The following MAPK8IP1 variants were observed in gnomAD, a reference collection of about 807,000 sequenced individuals.
MAPK8IP1 encodes mitogen-activated protein kinase 8 interacting protein 1, also known as C-Jun-amino-terminal kinase-interacting protein 1.
A neutral mutation model predicts 72.6 loss-of-function variants in MAPK8IP1; 17 were observed. That is an observed-to-expected ratio of 0.23 (90% CI 0.16 to 0.35). The LOEUF (loss-of-function observed/expected upper bound fraction) is 0.35. Among genes scored for constraint, MAPK8IP1 ranks in the 10% least tolerant of loss-of-function variants. The pLI is 1.00. For synonymous variants in MAPK8IP1, 401 were observed against 443.4 expected (o/e 0.90, Z 1.20); for missense variants, 789 against 1,009.7 (o/e 0.78, Z 2.96).
At chr11:45,895,002 T>G (rs983828941) in intron 1 of MAPK8IP1, among the ~76,000 whole-genome samples, 2 of 152,192 alleles carry the variant, frequency 1.3e-5, no homozygotes, top group Non-Finnish European at 2.9e-5. Flanking sequence ...AAGCATGGTT[T>G]GAGAGTCTGC....
intron 1 of MAPK8IP1, among the ~76,000 whole-genome samples, chr11:45,891,515 C>T (rs1479822838): frequency 6.6e-6 from 1 of 152,184 alleles, no homozygotes; most frequent in African/African-American, 2.4e-5. Flanking sequence ...GATGACCCTG[C>T]CCTCAGGAAA....
rs1590788899 is a variant in MAPK8IP1 at position 45,904,615 on chromosome 11, G to A, written c.1776+51G>A. On this transcript the variant is annotated intron_variant, in intron 8 of 11. Coordinates refer to ENST00000241014, the MANE Select transcript of MAPK8IP1 (RefSeq NM_005456.4). The surrounding 1 kb of genome is among the most constrained non-coding windows in gnomAD (Gnocchi z 6.4). ...CCCTTGGATGGGTCCCTGGGGCAGAGGGACGCAGGTGTCTAGAGGCAGTAA... is the reference window on the plus strand; with the variant it reads ...CCCTTGGATGGGTCCCTGGGGCAGAAGGACGCAGGTGTCTAGAGGCAGTAA... 1.6e-5 allele frequency: 26 copies of A among 1,598,838 alleles called. No homozygotes were observed. The East Asian group carries it at 5.4e-4, about 33-fold the overall frequency.
At chr11:45,888,467 G>T (rs1042579046) in intron 1 of MAPK8IP1, among the ~76,000 whole-genome samples, 1 of 152,200 alleles carries the variant, frequency 6.6e-6, no homozygotes, top group Non-Finnish European at 1.5e-5. Context: ...TAAGTGGCAG[G>T]CAGTCTGATG....
chr11:45,900,087 C>T lies in MAPK8IP1; in HGVS notation c.208-51C>T, dbSNP rs2086638207. ...CCGGGCGGGGGGCGGTGCAAGCGGC[C>T]TCGGCCCCGCCCCGGCCCCGCCCCC... is the stretch of plus-strand genomic sequence containing the variant. On this transcript the variant is annotated intron_variant, in intron 2 of 11. Transcript: ENST00000241014. This position sits in a 1 kb window ranked among gnomAD's most constrained non-coding sequence, Gnocchi z 6.5. The T allele has an allele frequency of 8.9e-7, 1 of 1,127,220 alleles. No individual in the cohort carries two copies. Among genetic ancestry groups the T allele is most frequent in the Admixed American group, 4.6e-5 (1 of 21,582 alleles). The allele number at this position is 1,127,220 out of a possible 1,614,324, so 69.8% of individuals were successfully genotyped here. A position where few individuals can be genotyped will look rare whatever the true frequency, so the allele number is the denominator to read the frequency against.
rs886176741 is a variant in MAPK8IP1 at position 45,902,268 on chromosome 11, G to A, written c.605-104G>A. The A allele has an allele frequency of 1.8e-6, 2 of 1,114,460 alleles. No individual in the cohort carries two copies. The highest frequency in any genetic ancestry group is 1.5e-5 in the African/African-American group (1 of 64,552). 69.0% of individuals were successfully genotyped at this position (1,114,460 alleles called of 1,614,324 possible). ...AGCCTGCGAAGGGCCTGTTGCCCAGGGAGGCTTTGTCTTGGTTTCTGTGTC... is the reference window on the plus strand; with the variant it reads ...AGCCTGCGAAGGGCCTGTTGCCCAGAGAGGCTTTGTCTTGGTTTCTGTGTC... On this transcript the variant is annotated intron_variant, in intron 4 of 11. Transcript: ENST00000241014. This position sits in a 1 kb window ranked among gnomAD's most constrained non-coding sequence, Gnocchi z 9.3.
Position 45,905,023 on chromosome 11 carries a change from A to G in MAPK8IP1, c.1946A>G (p.Tyr649Cys). 1 of 1,614,162 alleles carries G rather than the reference A, an allele frequency of 6.2e-7. No individual in the cohort carries two copies. Among genetic ancestry groups the G allele is most frequent in the South Asian group, 1.1e-5 (1 of 91,080 alleles). Residue 649 changes from tyrosine to cysteine, a missense_variant, in exon 10 of 12, where the codon TAT becomes TGT. By Grantham distance (194) the Tyr-to-Cys change is radical. Around this residue, in one of 4 missense-constraint regions of MAPK8IP1, gnomAD observed 188 missense variants for 293.3 expected, o/e 0.64. Transcript: ENST00000241014. The part of the protein sequence containing the change: ...FQLKNISFCG[Y>C]HPKNNKYFGF... Reference sequence around the variant, plus strand: ...TTAAAAAACATCTCTTTCTGCGGATATCATCCAAAGAACAACAAGTAAGTG... The same window carrying G: ...TTAAAAAACATCTCTTTCTGCGGATGTCATCCAAAGAACAACAAGTAAGTG...
intron 1 of MAPK8IP1, chr11:45,896,871 G>C (rs1358601437): frequency 1.3e-6 from 2 of 1,551,718 alleles, no homozygotes; most frequent in South Asian, 2.4e-5. Flanking sequence ...CGGCCGGGCA[G>C]GGCTCTCCAT....
At chr11:45,890,093 T>A (rs1436575187) in intron 1 of MAPK8IP1, among the ~76,000 whole-genome samples, 1 of 152,166 alleles carries the variant, frequency 6.6e-6, no homozygotes, top group Non-Finnish European at 1.5e-5. Flanking sequence ...CATAAAAATA[T>A]CACCCAAGGG....
At chr11:45,893,783 C>T (rs1248577077) in intron 1 of MAPK8IP1, among the ~76,000 whole-genome samples, 1 of 149,864 alleles carries the variant, frequency 6.7e-6, no homozygotes, top group African/African-American at 2.4e-5. Flanking sequence ...CCTTCTTCCC[C>T]TCCCTTCTCC....
chr11:45,903,838 C>G lies in MAPK8IP1; in HGVS notation c.1494-151C>G, dbSNP rs1425931932. The G allele has an allele frequency of 1.3e-6, 1 of 766,322 alleles. No individual in the cohort carries two copies. Among genetic ancestry groups the G allele is most frequent in the Non-Finnish European group, 2.3e-6 (1 of 436,468 alleles). The allele number at this position is 766,322 out of a possible 1,614,324, so 47.5% of individuals were successfully genotyped here. A position where few individuals can be genotyped will look rare whatever the true frequency, so the allele number is the denominator to read the frequency against. On this transcript the variant is annotated intron_variant, in intron 6 of 11. Coordinates refer to ENST00000241014, the MANE Select transcript of MAPK8IP1 (RefSeq NM_005456.4). This position sits in a 1 kb window ranked among gnomAD's most constrained non-coding sequence, Gnocchi z 6.4. ...AGATGCATGTCTGCTTGACCTTGCT[C>G]TCCCCTGGGGTTAGTACTGCAACAG...
rs1266411184 is a variant in MAPK8IP1, at chr11:45,896,491, G to GT, written c.102-1594_102-1593insT. 1.3e-4 allele frequency: 124 copies of GT among 962,992 alleles called. 1 individual carries two copies. Among genetic ancestry groups the GT allele is most frequent in the East Asian group, 1.7e-4 (2 of 11,658 alleles). The allele number at this position is 962,992 out of a possible 1,614,324, so 59.7% of individuals were successfully genotyped here. A position where few individuals can be genotyped will look rare whatever the true frequency, so the allele number is the denominator to read the frequency against. On this transcript the variant is annotated intron_variant, in intron 1 of 11. Transcript: ENST00000241014. Reference sequence around the variant, plus strand: ...TCTACTTACAAGCCTGGGCCAGGGAGGGGGGGCCACTCAGCCCCCGACAGG... The same window carrying GT: ...TCTACTTACAAGCCTGGGCCAGGGAGTGGGGGGCCACTCAGCCCCCGACAGG...
At position 45,892,553 on chromosome 11, in the gene MAPK8IP1, G is replaced by A. The variant is rs990464622; in HGVS notation, c.102-5532G>A. Among the ~76,000 whole-genome samples the A allele has an allele frequency of 2.0e-5, 3 of 152,314 alleles. No homozygotes were observed. In the East Asian group the frequency reaches 5.8e-4, roughly 29 times the overall value. ...CGGAACCACAGCCAGGAGGGACTCC[G>A]AGAGCCCATAGCAGGGCGGTTTGGC... is the stretch of plus-strand genomic sequence containing the variant. On this transcript the variant is annotated intron_variant, in intron 1 of 11. Transcript: ENST00000241014.
intron 1 of MAPK8IP1, among the ~76,000 whole-genome samples, chr11:45,886,427 C>G (rs566769894): frequency 8.5e-5 from 13 of 152,332 alleles, no homozygotes; most frequent in African/African-American, 2.6e-4. Flanking sequence ...CTGGCGTGGC[C>G]GGGCCCCTCT....
rs766326839 is a variant in MAPK8IP1 at position 45,902,858 on chromosome 11, G to T, written c.1091G>T (p.Arg364Leu). The change falls in exon 5 of 12, where the codon CGG becomes CTG. Residue 364 changes from arginine to leucine, a missense_variant. This residue lies in a region of MAPK8IP1 where 377 missense variants were observed against 411.7 expected (regional missense o/e 0.92). Coordinates refer to ENST00000241014, the MANE Select transcript of MAPK8IP1 (RefSeq NM_005456.4). This position sits in a 1 kb window ranked among gnomAD's most constrained non-coding sequence, Gnocchi z 9.3. ...CTGGGGGAGCCGCCGCCACCTCCAC[G>T]GGCCTCTCTGAGCTCGGACACCAGC... The part of the protein sequence containing the change: ...GSLGEPPPPP[R>L]ASLSSDTSAL... 6.3e-7 allele frequency: 1 copy of T among 1,591,378 alleles called. No individual in the cohort carries two copies. The highest frequency in any genetic ancestry group is 1.1e-5 in the South Asian group (1 of 88,586).
chr11:45,905,195 C>T lies in MAPK8IP1; in HGVS notation c.2009C>T (p.Ala670Val), dbSNP rs1307187297. 5.0e-6 allele frequency: 8 copies of T among 1,613,158 alleles called. No homozygotes were observed. The highest frequency in any genetic ancestry group is 1.3e-5 in the African/African-American group (1 of 74,924). Residue 670 changes from alanine (A) to valine (V), a missense_variant, in exon 11 of 12, where the codon GCC becomes GTC. By Grantham distance (64) the Ala-to-Val change is moderately conservative. Around this residue, in one of 4 missense-constraint regions of MAPK8IP1, gnomAD observed 188 missense variants for 293.3 expected, o/e 0.64. Transcript: ENST00000241014. The stretch of plus-strand genomic sequence containing the variant: ...AAGCACCCCGCCGACCACCGGTTTG[C>T]CTGCCACGTCTTTGTGTCTGAAGAC... The part of the protein sequence containing the change: ...ITKHPADHRF[A>V]CHVFVSEDST...
chr11:45,904,230 A>T lies in MAPK8IP1; in HGVS notation c.1666+69A>T. 1 of 1,524,672 alleles carries T rather than the reference A, an allele frequency of 6.6e-7. No individual in the cohort carries two copies. The highest frequency in any genetic ancestry group is 9.0e-7 in the Non-Finnish European group (1 of 1,112,792). The allele number at this position is 1,524,672 out of a possible 1,614,324, so 94.4% of individuals were successfully genotyped here. On this transcript the variant is annotated intron_variant, in intron 7 of 11. Coordinates refer to ENST00000241014, the MANE Select transcript of MAPK8IP1 (RefSeq NM_005456.4). This position sits in a 1 kb window ranked among gnomAD's most constrained non-coding sequence, Gnocchi z 6.4. ...TCTGCCCCAACTTGCTGCTAGGTGA[A>T]CGTGTACTCCAGATCTCAGCCAGCC...
chr11:45,890,198 T>C (rs1363388297), intron 1 of MAPK8IP1, among the ~76,000 whole-genome samples: 1 of 151,982 alleles, frequency 6.6e-6, no homozygotes, highest in Non-Finnish European at 1.5e-5. Context: ...TGCAGGAACT[T>C]GTAGGCCATG....
chr11:45,886,470 G>A (rs530931666), intron 1 of MAPK8IP1, among the ~76,000 whole-genome samples: 3 of 152,236 alleles, frequency 2.0e-5, no homozygotes, highest in Non-Finnish European at 4.4e-5. Flanking sequence ...AGGCAGGTGT[G>A]TCTCTCAGGG....
At chr11:45,890,357 C>T (rs752202347) in intron 1 of MAPK8IP1, among the ~76,000 whole-genome samples, 3 of 152,182 alleles carry the variant, frequency 2.0e-5, no homozygotes, top group African/African-American at 4.8e-5. Flanking sequence ...TTGGGCCACA[C>T]GTAAAATACA....
Sources: gnomAD v4.1 joint callset for allele counts (sites outside exome capture counted in the v4.1 genomes callset) on GRCh38, gnomAD v4.1.1 for gene constraint, gnomAD v4.1.1 regional missense constraint, Gnocchi (gnomAD v3.1) non-coding constraint, MANE v1.5 for transcripts, NCBI Gene and HGNC (gene_info 2026-07-23, HGNC 2026-07-21) for gene names.